The following DLG5 variants were observed in gnomAD, a reference collection of about 807,000 sequenced individuals.
The protein encoded by DLG5 is disks large homolog 5.
In DLG5, 48 loss-of-function variants were observed where a neutral mutation model predicts 189.8. That is an observed-to-expected ratio of 0.25 (90% CI 0.20 to 0.32). The LOEUF is 0.32. DLG5 is among the 10% of genes least tolerant of loss of function. DLG5 has a pLI of 1.00. For synonymous variants in DLG5, 1,016 were observed against 1,054.1 expected (o/e 0.96, Z 0.70); for missense variants, 2,160 against 2,544.7 (o/e 0.85, Z 3.25).
At chr10:77,879,740 G>A (rs1354277488) in intron 1 of DLG5, among the ~76,000 whole-genome samples, 2 of 151,622 alleles carry the variant, frequency 1.3e-5, no homozygotes, top group African/African-American at 4.8e-5. Flanking sequence ...ATGACTCCAG[G>A]GTTCTTGGCC....
chr10:77,910,521 G>A (rs1171792014), intron 1 of DLG5, among the ~76,000 whole-genome samples: 3 of 152,182 alleles, frequency 2.0e-5, no homozygotes, highest in Admixed American at 2.0e-4. Flanking sequence ...ACTAGCCACG[G>A]ATCTGAGACT....
At chr10:77,893,169 C>T (rs1433066994) in intron 1 of DLG5, among the ~76,000 whole-genome samples, 2 of 152,164 alleles carry the variant, frequency 1.3e-5, no homozygotes, top group South Asian at 2.1e-4. Context: ...ACCAGTGTCT[C>T]AGCAAGGAAG....
chr10:77,938,723 C>A, the DLG5 span, among the ~76,000 whole-genome samples: 1 of 152,192 alleles, frequency 6.6e-6, no homozygotes. Context: ...CTTCACCACA[C>A]CCATAGAAAG....
At chr10:77,846,206 T>C (rs1255021809) in intron 5 of DLG5, among the ~76,000 whole-genome samples, 1 of 151,232 alleles carries the variant, frequency 6.6e-6, no homozygotes, top group Non-Finnish European at 1.5e-5. Flanking sequence ...GATCACGCCA[T>C]GGCACTCCAG....
chr10:77,938,337 C>T, the DLG5 span, among the ~76,000 whole-genome samples: 3 of 151,992 alleles, frequency 2.0e-5, no homozygotes, highest in South Asian at 2.1e-4. Flanking sequence ...AGGCTGAGAT[C>T]GGAGAATCAC....
At chr10:77,851,079 G>C (rs1021658070) in intron 5 of DLG5, among the ~76,000 whole-genome samples, 1 of 152,218 alleles carries the variant, frequency 6.6e-6, no homozygotes, top group Non-Finnish European at 1.5e-5. Flanking sequence ...GCCCTCAGGT[G>C]GGGGAAGTTA....
chr10:77,807,532 G>GAA (rs778486903), intron 25 of DLG5, among the ~76,000 whole-genome samples: 9 of 152,188 alleles, frequency 5.9e-5, no homozygotes, highest in Non-Finnish European at 1.3e-4. Flanking sequence ...CAGCACACAG[G>GAA]AAAACGGGGC....
At chr10:77,886,618 G>C (rs1048166185) in intron 1 of DLG5, among the ~76,000 whole-genome samples, 2 of 152,192 alleles carry the variant, frequency 1.3e-5, no homozygotes, top group Non-Finnish European at 2.9e-5. Context: ...GCCTCCCAAA[G>C]TGCTGGGATT....
At chr10:77,917,723 CA>C (rs1846404986) in intron 1 of DLG5, among the ~76,000 whole-genome samples, 1 of 152,172 alleles carries the variant, frequency 6.6e-6, no homozygotes, top group Non-Finnish European at 1.5e-5. Flanking sequence ...GTTTGCACAG[CA>C]GTGTACAAAT....
In DLG5 at chr10:77,835,906, G is replaced by A; in HGVS notation, c.1454C>T (p.Thr485Ile). 1 of 1,613,022 alleles carries A rather than the reference G, an allele frequency of 6.2e-7. No homozygotes were observed. Among genetic ancestry groups the A allele is most frequent in the Admixed American group, 1.7e-5 (1 of 59,976 alleles). ...CTTGTTGGCTCTCCCAGCATCCATT[G>A]TCACCGTGTCTTTGATCTGGTGGGA... Reference protein sequence around the residue: ...EALRQIKDTVTMDAGRANKEV... With the variant: ...EALRQIKDTVIMDAGRANKEV... The change falls in exon 8 of 32, where the codon ACA becomes ATA. Residue 485 changes from threonine to isoleucine, a missense_variant. By Grantham distance (89) the Thr-to-Ile change is moderately conservative. Around this residue, in one of 5 missense-constraint regions of DLG5, gnomAD observed 664 missense variants for 838.5 expected, o/e 0.79. Coordinates refer to ENST00000372391, the MANE Select transcript of DLG5 (RefSeq NM_004747.4).
intron 18 of DLG5, 32 bp downstream of exon 18, chr10:77,817,745 T>C: frequency 6.5e-7 from 1 of 1,534,080 alleles, no homozygotes; most frequent in South Asian, 1.2e-5. Context: ...CTTGGCACCC[T>C]CTGCAGCACA....
rs540984890 is a variant in DLG5 at position 77,847,467 on chromosome 10, C to A, written c.865-3761G>T. On this transcript the variant is annotated intron_variant, in intron 5 of 31. Coordinates refer to ENST00000372391, the MANE Select transcript of DLG5 (RefSeq NM_004747.4). The stretch of plus-strand genomic sequence containing the variant: ...GCTCGCAGGCCCCAAACACTTCTCA[C>A]CCTTTCTCTACAAACAGGACTCAGT... 3.3e-5 allele frequency among the ~76,000 whole-genome samples: 5 copies of A among 152,310 alleles called. No individual in the cohort carries two copies. The South Asian group carries it at 1.0e-3, about 32-fold the overall frequency.
chr10:77,903,510 G>A (rs1845990205), intron 1 of DLG5, among the ~76,000 whole-genome samples: 1 of 151,626 alleles, frequency 6.6e-6, no homozygotes, highest in Non-Finnish European at 1.5e-5. Context: ...CCCAGCTACT[G>A]GGGAAGCTGA....
At chr10:77,804,850 T>C (rs2154575073) in intron 27 of DLG5, among the ~76,000 whole-genome samples, 1 of 152,280 alleles carries the variant, frequency 6.6e-6, no homozygotes, top group Middle Eastern at 3.4e-3. Context: ...TAAAAACAAA[T>C]GGCAAGCAAG....
At chr10:77,836,306 T>C (rs536469501) in intron 7 of DLG5, among the ~76,000 whole-genome samples, 2 of 152,232 alleles carry the variant, frequency 1.3e-5, no homozygotes, top group East Asian at 3.9e-4. Flanking sequence ...GTCAAACTCT[T>C]AGTAGCACTC....
chr10:77,883,592 ACT>A (rs1448020684), intron 1 of DLG5, among the ~76,000 whole-genome samples: 5 of 151,428 alleles, frequency 3.3e-5, no homozygotes, highest in African/African-American at 9.7e-5. Context: ...AAAACATAAG[ACT>A]CAATTTGAAC....
At position 77,821,569 on chromosome 10, in the gene DLG5, G is replaced by T; in HGVS notation, c.2915C>A (p.Ser972Tyr). The T allele has an allele frequency of 3.7e-6, 6 of 1,612,986 alleles. No individual in the cohort carries two copies. The highest frequency in any genetic ancestry group is 5.1e-6 in the Non-Finnish European group (6 of 1,180,038). ...TTTGAAAGTGTTAGGGTCAAAGATG[G>T]ACTTTCTTTGCTTTGGCTTTTTATA... ...SVYKKPKQRK[S>Y]IFDPNTFKRP... is the part of the protein sequence containing the mutation. Residue 972 changes from serine to tyrosine, a missense_variant, in exon 15 of 32, where the codon TCC becomes TAC. Physicochemically the swap from Ser to Tyr is moderately radical, Grantham distance 144 (BLOSUM62 -2). Transcript: ENST00000372391.
Position 77,820,003 on chromosome 10 carries a change from G to A in DLG5, c.3418C>T (p.Pro1140Ser), listed in dbSNP as rs1414841321. Residue 1140 changes from proline to serine, a missense_variant, in exon 16 of 32, where the codon CCG becomes TCG. Coordinates refer to ENST00000372391, the MANE Select transcript of DLG5 (RefSeq NM_004747.4). ...TCCGGGGAGAGTTCTCCACTGGCCGGGACACACTTCTGTTCCTGCAGATGC... is the reference window on the plus strand; with the variant it reads ...TCCGGGGAGAGTTCTCCACTGGCCGAGACACACTTCTGTTCCTGCAGATGC... ...AQFLEEQKCV[P>S]ASGELSPELQ... The A allele has an allele frequency of 2.5e-6, 4 of 1,613,274 alleles. No homozygotes were observed. Among genetic ancestry groups the A allele is most frequent in the African/African-American group, 1.3e-5 (1 of 74,894 alleles).
intron 1 of DLG5, among the ~76,000 whole-genome samples, chr10:77,888,268 T>G (rs1488243797): frequency 6.6e-6 from 1 of 152,128 alleles, no homozygotes; most frequent in Non-Finnish European, 1.5e-5. Flanking sequence ...CGGCAGGAAC[T>G]TATGTGCCTG....
Sources: gnomAD v4.1 joint callset for allele counts (sites outside exome capture counted in the v4.1 genomes callset) on GRCh38, gnomAD v4.1.1 for gene constraint, gnomAD v4.1.1 regional missense constraint, MANE v1.5 for transcripts, NCBI Gene and HGNC (gene_info 2026-07-23, HGNC 2026-07-21) for gene names.